ILRUN: variants seen among roughly 807,000 people sequenced by gnomAD.
The protein encoded by ILRUN is protein ILRUN.
ILRUN carries 3 observed loss-of-function variants against 33.8 expected under a neutral mutation model. The observed-to-expected ratio is 0.09, with a 90% CI of 0.04 to 0.23. ILRUN has a LOEUF of 0.23. Ranked by LOEUF, ILRUN falls within the 10% of genes least tolerant of loss-of-function variation. The probability of loss-of-function intolerance (pLI) is 1.00; values close to 1 mark genes in which losing one functional copy is unlikely to be tolerated. For synonymous variants in ILRUN, 124 were observed against 138.9 expected (o/e 0.89, Z 0.75); for missense variants, 210 against 375.1 (o/e 0.56, Z 3.64).
intron 2 of ILRUN, among the ~76,000 whole-genome samples, chr6:34,650,625 G>T (rs1439817160): frequency 6.6e-6 from 1 of 151,552 alleles, no homozygotes; most frequent in African/African-American, 2.4e-5. Context: ...TAGAGATGGG[G>T]TTTTTAGTAG....
At position 34,592,945 on chromosome 6, in the gene ILRUN, G is replaced by A. The variant is rs1038133737; in HGVS notation, c.862-2345C>T. On this transcript the variant is annotated intron_variant, in intron 4 of 4. Transcript: ENST00000374023. This position sits in a 1 kb window ranked among gnomAD's most constrained non-coding sequence, Gnocchi z 4.0. ...TCCCAGCACTTTGGGAGGCCCAGGC[G>A]GGAGAACTGCTTGAGGTGAGGAGTT... is the stretch of plus-strand genomic sequence containing the variant. Among the ~76,000 whole-genome samples, 6 of 152,188 alleles carry A rather than the reference G, an allele frequency of 3.9e-5. No homozygotes were observed. Among genetic ancestry groups the A allele is most frequent in the Admixed American group, 2.6e-4 (4 of 15,284 alleles).
intron 1 of ILRUN, among the ~76,000 whole-genome samples, chr6:34,661,959 A>C (rs1762894266): frequency 6.6e-6 from 1 of 151,968 alleles, no homozygotes; most frequent in Non-Finnish European, 1.5e-5. Context: ...CCCCGTCTCT[A>C]CTAAAAATGC....
chr6:34,688,267 T>C (rs567178586), intron 1 of ILRUN, among the ~76,000 whole-genome samples: 2 of 151,352 alleles, frequency 1.3e-5, no homozygotes, highest in African/African-American at 4.8e-5. Context: ...TGGCTGGGCA[T>C]GGTGGCTCAT....
intron 3 of ILRUN, chr6:34,616,668 G>GGAGGAAGC: frequency 9.0e-7 from 1 of 1,113,976 alleles, no homozygotes; most frequent in Non-Finnish European, 1.3e-6. Flanking sequence ...TGAAAGGCAA[G>GGAGGAAGC]GAGGAAGCTT....
chr6:34,607,608 T>C (rs1439730154), intron 3 of ILRUN, among the ~76,000 whole-genome samples: 1 of 151,596 alleles, frequency 6.6e-6, no homozygotes, highest in Non-Finnish European at 1.5e-5. Context: ...GAGAAATGTA[T>C]CATTAGGCAA....
intron 2 of ILRUN, among the ~76,000 whole-genome samples, chr6:34,650,176 T>C (rs536902167): frequency 1.4e-4 from 21 of 152,182 alleles, no homozygotes; most frequent in African/African-American, 4.8e-4. Flanking sequence ...AAGCTCTAGG[T>C]GCTGGTAAAG....
chr6:34,633,942 A>G (rs1762302379), intron 3 of ILRUN, among the ~76,000 whole-genome samples: 1 of 147,196 alleles, frequency 6.8e-6, no homozygotes, highest in African/African-American at 2.5e-5. Context: ...TACAAAGGAT[A>G]TTCTCTGACC....
chr6:34,622,652 A>T (rs777768229), intron 3 of ILRUN, among the ~76,000 whole-genome samples: 7 of 152,206 alleles, frequency 4.6e-5, no homozygotes, highest in Non-Finnish European at 7.3e-5. Flanking sequence ...GTGTGCTGTT[A>T]GGAATGTAAA....
At chr6:34,688,450 T>C (rs1252638494) in intron 1 of ILRUN, among the ~76,000 whole-genome samples, 1 of 146,488 alleles carries the variant, frequency 6.8e-6, no homozygotes, top group Non-Finnish European at 1.5e-5. Flanking sequence ...ACAACATGGA[T>C]GAACCCTGAA....
intron 1 of ILRUN, among the ~76,000 whole-genome samples, chr6:34,661,908 A>G (rs1362919936): frequency 6.6e-6 from 1 of 151,928 alleles, no homozygotes; most frequent in African/African-American, 2.4e-5. Flanking sequence ...GGCAGATCAC[A>G]AGGTCAGGAG....
intron 3 of ILRUN, among the ~76,000 whole-genome samples, chr6:34,621,154 A>G (rs911248819): frequency 2.0e-5 from 3 of 152,244 alleles, no homozygotes; most frequent in Non-Finnish European, 4.4e-5. Flanking sequence ...CAAATATTTA[A>G]TTCTTCTTCT....
chr6:34,596,027 G>T, intron 4 of ILRUN: 1 of 761,776 alleles, frequency 1.3e-6, no homozygotes, highest in Non-Finnish European at 1.6e-6. Context: ...GTGTGGTGAG[G>T]CCCTGCTCAC....
chr6:34,684,419 TG>T (rs1763472038), intron 1 of ILRUN, among the ~76,000 whole-genome samples: 1 of 152,196 alleles, frequency 6.6e-6, no homozygotes, highest in Admixed American at 6.5e-5. Flanking sequence ...AAAATATTTT[TG>T]TCCATTCACA....
chr6:34,604,764 T>C (rs966878522), intron 4 of ILRUN, among the ~76,000 whole-genome samples: 1 of 152,234 alleles, frequency 6.6e-6, no homozygotes, highest in Non-Finnish European at 1.5e-5. Context: ...CTCTTGCCAA[T>C]TTACTTCTAT....
chr6:34,622,348 A>T (rs1356612229), intron 3 of ILRUN, among the ~76,000 whole-genome samples: 1 of 152,212 alleles, frequency 6.6e-6, no homozygotes, highest in African/African-American at 2.4e-5. Flanking sequence ...TCTCAAATAT[A>T]TAAAGAACTC....
chr6:34,617,307 T>A, intron 3 of ILRUN: 1 of 328,906 alleles, frequency 3.0e-6, no homozygotes, highest in Non-Finnish European at 5.9e-6. Context: ...ATAAACAGTA[T>A]GCGCTCTCAA....
intron 4 of ILRUN, among the ~76,000 whole-genome samples, chr6:34,603,069 A>T (rs1458059620): frequency 6.6e-6 from 1 of 152,230 alleles, no homozygotes; most frequent in African/African-American, 2.4e-5. Flanking sequence ...CTACCTGCCT[A>T]CTAAAACTGT....
intron 1 of ILRUN, among the ~76,000 whole-genome samples, chr6:34,666,483 C>T (rs1248539731): frequency 2.0e-5 from 3 of 152,082 alleles, no homozygotes; most frequent in African/African-American, 7.2e-5. Flanking sequence ...ATCGCTTGAA[C>T]CCGGGAGGCA....
At chr6:34,653,890 G>A (rs1280618348) in intron 2 of ILRUN, among the ~76,000 whole-genome samples, 1 of 149,572 alleles carries the variant, frequency 6.7e-6, no homozygotes, top group African/African-American at 2.5e-5. Flanking sequence ...AGGATCGCCT[G>A]AGCCCAAGAG....
Sources: allele counts gnomAD v4.1 joint callset (sites outside exome capture counted in the v4.1 genomes callset), GRCh38; gene constraint gnomAD v4.1.1; non-coding constraint Gnocchi (gnomAD v3.1); transcripts MANE v1.5; gene names NCBI Gene and HGNC (gene_info 2026-07-23, HGNC 2026-07-21).